Variants in MTSS1 observed in about 807,000 individuals in gnomAD.
MTSS1 encodes MTSS I-BAR domain containing 1.
In MTSS1, 18 loss-of-function variants were observed where a neutral mutation model predicts 79.0. The observed-to-expected ratio is 0.23, with a 90% CI of 0.16 to 0.34. The LOEUF (loss-of-function observed/expected upper bound fraction) is 0.34, where lower values mean the gene tolerates loss of function less well. Among genes scored for constraint, MTSS1 ranks in the 10% least tolerant of loss-of-function variants. MTSS1 has a pLI of 1.00. For missense variants in MTSS1, 815 were observed against 986.2 expected, an observed-to-expected ratio of 0.83 and a Z score of 2.33; for synonymous variants, 341 against 368.6, an observed-to-expected ratio of 0.93 and a Z score of 0.86.
chr8:124,695,246 C>T (rs75946102), intron 3 of MTSS1, among the ~76,000 whole-genome samples: 3,804 of 152,180 alleles, frequency 0.025, 157 homozygotes, highest in African/African-American at 0.087. Flanking sequence ...ACCAGAGCGA[C>T]CTGCTAGCTT....
chr8:124,596,180 A>G (rs771168816), intron 3 of MTSS1, among the ~76,000 whole-genome samples: 25 of 152,260 alleles, frequency 1.6e-4, no homozygotes, highest in South Asian at 4.2e-4. Flanking sequence ...TTGCAAGCAT[A>G]TTCATTTTCT....
rs1821639507 is a variant in MTSS1 at position 124,659,721 on chromosome 8, T to C, written c.208+39805A>G. 2.6e-5 allele frequency among the ~76,000 whole-genome samples: 4 copies of C among 152,336 alleles called. No individual in the cohort carries two copies. In the South Asian group the frequency reaches 8.3e-4, roughly 32 times the overall value. On this transcript the variant is annotated intron_variant, in intron 3 of 13. Transcript: ENST00000518547. ...CATGTAATGTGCCTAGCATTCATCC[T>C]GGATTCTCTACTCAAGTGCATTGAT... is the stretch of plus-strand genomic sequence containing the variant.
intron 3 of MTSS1, among the ~76,000 whole-genome samples, chr8:124,672,877 A>G (rs995181783): frequency 6.7e-6 from 1 of 149,490 alleles, no homozygotes; most frequent in Non-Finnish European, 1.5e-5. Flanking sequence ...ACACACATGC[A>G]TACACACACA....
intron 3 of MTSS1, among the ~76,000 whole-genome samples, chr8:124,604,084 G>A (rs1004719276): frequency 6.6e-6 from 1 of 152,138 alleles, no homozygotes; most frequent in Non-Finnish European, 1.5e-5. Flanking sequence ...GTGGAGGCAG[G>A]CGCCTGTAAT....
chr8:124,717,704 T>C (rs1832299114), intron 1 of MTSS1, among the ~76,000 whole-genome samples: 1 of 152,102 alleles, frequency 6.6e-6, no homozygotes. Flanking sequence ...TCAAAAAATA[T>C]ATATATAAAT....
intron 3 of MTSS1, among the ~76,000 whole-genome samples, chr8:124,613,909 C>T (rs1836342435): frequency 6.6e-6 from 1 of 152,172 alleles, no homozygotes; most frequent in Non-Finnish European, 1.5e-5. Flanking sequence ...TGGCTGTCAT[C>T]CTAGCACTTT....
chr8:124,609,657 C>A (rs998174364), intron 3 of MTSS1, among the ~76,000 whole-genome samples: 1 of 152,222 alleles, frequency 6.6e-6, no homozygotes, highest in African/African-American at 2.4e-5. Flanking sequence ...ACTTAATGCG[C>A]TGTCCTGGGC....
intron 3 of MTSS1, among the ~76,000 whole-genome samples, chr8:124,632,039 G>C (rs963798212): frequency 1.3e-5 from 2 of 152,216 alleles, no homozygotes; most frequent in Non-Finnish European, 2.9e-5. Context: ...CACTTTGGGA[G>C]GCCAAGACAG....
Position 124,550,815 on chromosome 8 carries a change from G to C in MTSS1, c.*2177C>G, listed in dbSNP as rs1219177702. 6.6e-6 allele frequency: 1 copy of C among 152,472 alleles called. No homozygotes were observed. Among genetic ancestry groups the C allele is most frequent in the Non-Finnish European group, 1.5e-5 (1 of 68,024 alleles). 9.4% of individuals were successfully genotyped at this position (152,472 alleles called of 1,614,324 possible). A position where few individuals can be genotyped will look rare whatever the true frequency, so the allele number is the denominator to read the frequency against. On this transcript the variant is annotated 3_prime_UTR_variant, in exon 14 of 14. Coordinates refer to ENST00000518547, the MANE Select transcript of MTSS1 (RefSeq NM_014751.6). Reference sequence around the variant, plus strand: ...AATCTAGTGGTTCTTTATTTATAACGTAGGCTGAAGCAATTGTTACAATGT... The same window carrying C: ...AATCTAGTGGTTCTTTATTTATAACCTAGGCTGAAGCAATTGTTACAATGT...
Position 124,557,991 on chromosome 8 carries a change from AT to A in MTSS1, c.1036-117del, listed in dbSNP as rs1416017333. ...GGAGGGGAAACCTGAATATTTATAA[AT>A]AAAACAAACATTGGGGCTCTGCTGC... is the stretch of plus-strand genomic sequence containing the variant. On this transcript the variant is annotated intron_variant, in intron 10 of 13. Coordinates refer to ENST00000518547, the MANE Select transcript of MTSS1 (RefSeq NM_014751.6). 9.8e-6 allele frequency: 8 copies of A among 812,706 alleles called. No homozygotes were observed. The Admixed American group carries it at 2.3e-4, about 23-fold the overall frequency. The allele number at this position is 812,706 out of a possible 1,614,324, so 50.3% of individuals were successfully genotyped here.
chr8:124,634,826 T>C (rs1485920912), intron 3 of MTSS1, among the ~76,000 whole-genome samples: 1 of 152,238 alleles, frequency 6.6e-6, no homozygotes, highest in Non-Finnish European at 1.5e-5. Flanking sequence ...TGGGGACCCA[T>C]CTGTGCTGGA....
At chr8:124,674,473 G>A (rs559778027) in intron 3 of MTSS1, among the ~76,000 whole-genome samples, 1 of 151,876 alleles carries the variant, frequency 6.6e-6, no homozygotes, top group African/African-American at 2.4e-5. Flanking sequence ...AGCCTCCCAA[G>A]TACCTGGGAT....
At chr8:124,633,230 T>C (rs1486267831) in intron 3 of MTSS1, among the ~76,000 whole-genome samples, 1 of 152,132 alleles carries the variant, frequency 6.6e-6, no homozygotes, top group Non-Finnish European at 1.5e-5. Flanking sequence ...GCCAAAGGGT[T>C]GTTGTCATTT....
At chr8:124,637,023 T>C (rs1817133095) in intron 3 of MTSS1, among the ~76,000 whole-genome samples, 1 of 152,204 alleles carries the variant, frequency 6.6e-6, no homozygotes, top group Non-Finnish European at 1.5e-5. Flanking sequence ...TTTCAATCTT[T>C]TGCTGTGTGC....
At chr8:124,704,968 T>C (rs1299448081) in intron 1 of MTSS1, among the ~76,000 whole-genome samples, 1 of 152,178 alleles carries the variant, frequency 6.6e-6, no homozygotes, top group Non-Finnish European at 1.5e-5. Flanking sequence ...CTCTCTACTC[T>C]TCCTCTAAGT....
At chr8:124,579,682 G>T (rs1037324208) in intron 6 of MTSS1, 2 of 152,152 alleles carry the variant, frequency 1.3e-5, no homozygotes, top group African/African-American at 4.8e-5. Flanking sequence ...TCGCCATGAG[G>T]GGAAATAGAG....
At chr8:124,621,773 T>C (rs1446868909) in intron 3 of MTSS1, among the ~76,000 whole-genome samples, 3 of 152,166 alleles carry the variant, frequency 2.0e-5, no homozygotes, top group African/African-American at 4.8e-5. Flanking sequence ...GGTCTTGAAC[T>C]CCTGACCTCA....
intron 6 of MTSS1, among the ~76,000 whole-genome samples, chr8:124,584,825 G>A (rs1490195673): frequency 6.6e-6 from 1 of 152,174 alleles, no homozygotes; most frequent in Non-Finnish European, 1.5e-5. Context: ...GTATCATTAC[G>A]AAGCACAATA....
intron 3 of MTSS1, among the ~76,000 whole-genome samples, chr8:124,646,571 C>G (rs550982479): frequency 6.6e-6 from 1 of 152,208 alleles, no homozygotes; most frequent in East Asian, 1.9e-4. Context: ...TCCCTAGAAA[C>G]TTAAACTATT....
Sources: allele counts gnomAD v4.1 joint callset (sites outside exome capture counted in the v4.1 genomes callset), GRCh38; gene constraint gnomAD v4.1.1; transcripts MANE v1.5; gene names NCBI Gene and HGNC (gene_info 2026-07-23, HGNC 2026-07-21).